The following PRELP variants were observed in gnomAD, a reference collection of about 807,000 sequenced individuals.
PRELP encodes prolargin.
Under a neutral mutation model 22.8 loss-of-function variants are expected in PRELP, and 16 were observed. That is an observed-to-expected ratio of 0.70 (90% confidence interval 0.47 to 1.06). The LOEUF (loss-of-function observed/expected upper bound fraction) is 1.06. Among genes scored for constraint, PRELP ranks in the 50% least tolerant of loss-of-function variants. The pLI is 0.00. For synonymous variants in PRELP, 233 were observed against 211.4 expected (o/e 1.10, Z -0.89); for missense variants, 434 against 485.2 (o/e 0.89, Z 0.99).
At chr1:203,484,630 G>A (rs994764855) in intron 2 of PRELP, among the ~76,000 whole-genome samples, 1 of 152,234 alleles carries the variant, frequency 6.6e-6, no homozygotes, top group Admixed American at 6.5e-5. Context: ...GCCCCTGTGG[G>A]AAGATGCTTC....
chr1:203,484,161 A>C lies in PRELP; in HGVS notation c.973+4A>C. The C allele has an allele frequency of 1.5e-6, 1 of 654,810 alleles. No homozygotes were observed. Among genetic ancestry groups the C allele is most frequent in the Non-Finnish European group, 2.7e-6 (1 of 363,902 alleles). The allele number at this position is 654,810 out of a possible 1,614,324, so 40.6% of individuals were successfully genotyped here. ...CTCAACAACAATAGCATCGAGAGTGAGTGGGGTGGGCCGGGGCGGGGCCGA... is the reference window on the plus strand; with the variant it reads ...CTCAACAACAATAGCATCGAGAGTGCGTGGGGTGGGCCGGGGCGGGGCCGA... On this transcript the variant is annotated splice_donor_region_variant and intron_variant, in intron 2 of 2. Coordinates refer to ENST00000343110, the MANE Select transcript of PRELP (RefSeq NM_002725.4).
chr1:203,483,502 C>T lies in PRELP; in HGVS notation c.318C>T (p.Tyr106=), dbSNP rs765596616. The change falls in exon 2 of 3, where the codon TAC becomes TAT. Residue 106 remains tyrosine (Y), a synonymous_variant. Transcript: ENST00000343110. The surrounding 1 kb of genome is among the most constrained non-coding windows in gnomAD (Gnocchi z 4.4). The part of the protein sequence containing the change: ...KVPVIPPRIH[Y]LYLQNNFITE... ...CTGTCATCCCGCCCCGCATCCATTA[C>T]CTCTATCTCCAGAACAACTTCATCA... is the stretch of plus-strand genomic sequence containing the variant. 6 of 1,614,246 alleles carry T rather than the reference C, an allele frequency of 3.7e-6. No individual in the cohort carries two copies. In the East Asian group the frequency reaches 6.7e-5, roughly 18 times the overall value.
intron 1 of PRELP, among the ~76,000 whole-genome samples, chr1:203,478,206 C>T (rs867240401): frequency 3.9e-5 from 6 of 152,212 alleles, no homozygotes; most frequent in African/African-American, 1.4e-4. Flanking sequence ...TTGCCTAAGC[C>T]TACCTAGCTA....
At position 203,487,973 on chromosome 1, in the gene PRELP, CTT is replaced by C. The variant is rs1360837183; in HGVS notation, c.*1093_*1094del. ...GGTGGGAGTAACAGCTGGTCCCAGT[CTT>C]GCGCCTGGCCCTCTTCCTGGGGTGA... On this transcript the variant is annotated 3_prime_UTR_variant, in exon 3 of 3. Coordinates refer to ENST00000343110, the MANE Select transcript of PRELP (RefSeq NM_002725.4). The C allele has an allele frequency of 1.3e-5, 2 of 152,290 alleles. No individual in the cohort carries two copies. The highest frequency in any genetic ancestry group is 2.9e-5 in the Non-Finnish European group (2 of 68,084). The allele number at this position is 152,290 out of a possible 1,614,324, so 9.4% of individuals were successfully genotyped here.
chr1:203,485,071 G>A (rs1010435308), intron 2 of PRELP, among the ~76,000 whole-genome samples: 4 of 151,726 alleles, frequency 2.6e-5, no homozygotes, highest in Non-Finnish European at 5.9e-5. Context: ...GATGGAGATT[G>A]TTGGTGTCTC....
intron 1 of PRELP, among the ~76,000 whole-genome samples, chr1:203,480,429 G>A (rs959918256): frequency 3.3e-5 from 5 of 152,186 alleles, no homozygotes; most frequent in African/African-American, 4.8e-5. Flanking sequence ...TGGGTCTGAG[G>A]CTTTGTAGGA....
rs1661032465 is a variant in PRELP, at chr1:203,483,126, T to C, written c.-16-43T>C. ...CTTCAAAAACATGACAACTAGTTAC[T>C]GAGGGCCCAAGGATAATGACCTTAT... On this transcript the variant is annotated intron_variant, in intron 1 of 2. Coordinates refer to ENST00000343110, the MANE Select transcript of PRELP (RefSeq NM_002725.4). This position sits in a 1 kb window ranked among gnomAD's most constrained non-coding sequence, Gnocchi z 4.4. The C allele has an allele frequency of 6.9e-7, 1 of 1,446,726 alleles. No homozygotes were observed. Among genetic ancestry groups the C allele is most frequent in the African/African-American group, 1.4e-5 (1 of 70,180 alleles). The allele number at this position is 1,446,726 out of a possible 1,614,324, so 89.6% of individuals were successfully genotyped here.
At chr1:203,476,940 G>GAA (rs36000732) in intron 1 of PRELP, among the ~76,000 whole-genome samples, 3 of 141,098 alleles carry the variant, frequency 2.1e-5, no homozygotes, top group Non-Finnish European at 4.6e-5. Flanking sequence ...TGGCAGAGGA[G>GAA]AAAAAAAAAA....
At position 203,483,146 on chromosome 1, in the gene PRELP, C is replaced by A; in HGVS notation, c.-16-23C>A. 1 of 1,495,080 alleles carries A rather than the reference C, an allele frequency of 6.7e-7. No individual in the cohort carries two copies. The highest frequency in any genetic ancestry group is 9.0e-7 in the Non-Finnish European group (1 of 1,113,330). The allele number at this position is 1,495,080 out of a possible 1,614,324, so 92.6% of individuals were successfully genotyped here. The stretch of plus-strand genomic sequence containing the variant: ...GTTACTGAGGGCCCAAGGATAATGA[C>A]CTTATGTGTCTTCTCCCTGCAGGTG... On this transcript the variant is annotated intron_variant, in intron 1 of 2. Transcript: ENST00000343110. The surrounding 1 kb of genome is among the most constrained non-coding windows in gnomAD (Gnocchi z 4.4).
chr1:203,483,649 C>T lies in PRELP; in HGVS notation c.465C>T (p.Leu155=), dbSNP rs1371231477. ...VLEKLPGLVF[L]YMEKNQLEEV... ...AGAAACTGCCCGGCCTGGTGTTCCTCTACATGGAGAAGAACCAGTTGGAAG... is the reference window on the plus strand; with the variant it reads ...AGAAACTGCCCGGCCTGGTGTTCCTTTACATGGAGAAGAACCAGTTGGAAG... The change falls in exon 2 of 3, where the codon CTC becomes CTT. Residue 155 remains leucine, a synonymous_variant. Transcript: ENST00000343110. The surrounding 1 kb of genome is among the most constrained non-coding windows in gnomAD (Gnocchi z 4.4). 3 of 1,614,200 alleles carry T rather than the reference C, an allele frequency of 1.9e-6. No homozygotes were observed. The highest frequency in any genetic ancestry group is 1.6e-4 in the Middle Eastern group (1 of 6,062).
chr1:203,483,445 C>G lies in PRELP; in HGVS notation c.261C>G (p.Leu87=), dbSNP rs200190849. The change falls in exon 2 of 3, where the codon CTC becomes CTG. Residue 87 remains leucine, a synonymous_variant. Transcript: ENST00000343110. This position sits in a 1 kb window ranked among gnomAD's most constrained non-coding sequence, Gnocchi z 4.4. ...GCCCCCCTGATTTCCCATCTGCCCT[C>G]TACTGTGATAGCCGCAACCTGCGAA... ...CYCPPDFPSA[L]YCDSRNLRKV... 1.5e-5 allele frequency: 24 copies of G among 1,614,192 alleles called. No individual in the cohort carries two copies. The Admixed American group carries it at 4.0e-4, about 27-fold the overall frequency.
At position 203,489,795 on chromosome 1, in the gene PRELP, CA is replaced by C. The variant is rs1032547672; in HGVS notation, c.*2918del. ...AACATAGTGAAACCCCTTGTTTACT[CA>C]AAATACAAAAATTGGCTGGGTGCGG... On this transcript the variant is annotated 3_prime_UTR_variant, in exon 3 of 3. Transcript: ENST00000343110. 1.3e-5 allele frequency: 2 copies of C among 152,014 alleles called. No homozygotes were observed. Among genetic ancestry groups the C allele is most frequent in the Non-Finnish European group, 2.9e-5 (2 of 68,024 alleles). The allele number at this position is 152,014 out of a possible 1,614,324, so 9.4% of individuals were successfully genotyped here. A position where few individuals can be genotyped will look rare whatever the true frequency, so the allele number is the denominator to read the frequency against.
Position 203,483,290 on chromosome 1 carries a change from C to A in PRELP, c.106C>A (p.Pro36Thr), listed in dbSNP as rs138509179. 822 of 1,613,404 alleles carry A rather than the reference C, an allele frequency of 5.1e-4. 14 individuals carry two copies. The South Asian group carries it at 8.6e-3, about 17-fold the overall frequency. ...ACCCGGGACTGGGCCCGGGCGCAGA[C>A]CCAGGCCCAGGCCCAGGCCCACACC... Reference protein sequence around the residue: ...PRPGTGPGRRPRPRPRPTPSF... With the variant: ...PRPGTGPGRRTRPRPRPTPSF... Residue 36 changes from proline (P) to threonine (T), a missense_variant, in exon 2 of 3, where the codon CCC becomes ACC. Transcript: ENST00000343110. The surrounding 1 kb of genome is among the most constrained non-coding windows in gnomAD (Gnocchi z 4.4).
At position 203,487,001 on chromosome 1, in the gene PRELP, C is replaced by T. The variant is rs2233733; in HGVS notation, c.*120C>T. The T allele has an allele frequency of 0.012, 13,937 of 1,164,846 alleles. 181 individuals are homozygous for T. The highest frequency in any genetic ancestry group is 0.041 in the South Asian group (2,422 of 58,472). 72.2% of individuals were successfully genotyped at this position (1,164,846 alleles called of 1,614,324 possible). Reference sequence around the variant, plus strand: ...TCTCCCAGCTTTGCCTCCCTTATCCCACCCTCGAGGCAGGGAAAAGCCATC... The same window carrying T: ...TCTCCCAGCTTTGCCTCCCTTATCCTACCCTCGAGGCAGGGAAAAGCCATC... On this transcript the variant is annotated 3_prime_UTR_variant, in exon 3 of 3. Transcript: ENST00000343110.
intron 1 of PRELP, among the ~76,000 whole-genome samples, chr1:203,477,650 A>G (rs929299745): frequency 6.6e-6 from 1 of 152,008 alleles, no homozygotes; most frequent in Non-Finnish European, 1.5e-5. Flanking sequence ...CACTTTCTTC[A>G]TGCCCCCTCC....
rs899425677 is a variant in PRELP, at chr1:203,490,586, C to G, written c.*3705C>G. On this transcript the variant is annotated 3_prime_UTR_variant, in exon 3 of 3. Coordinates refer to ENST00000343110, the MANE Select transcript of PRELP (RefSeq NM_002725.4). ...ATACAAAACAGTAAAAGAGCCATCT[C>G]AAGGACAGAGAGCATAGACCAAGTC... The G allele has an allele frequency of 6.6e-6, 1 of 152,210 alleles. No homozygotes were observed. The highest frequency in any genetic ancestry group is 1.5e-5 in the Non-Finnish European group (1 of 68,042). The allele number at this position is 152,210 out of a possible 1,614,324, so 9.4% of individuals were successfully genotyped here. A position where few individuals can be genotyped will look rare whatever the true frequency, so the allele number is the denominator to read the frequency against.
rs1005531600 is a variant in PRELP at position 203,484,124 on chromosome 1, G to C, written c.940G>C (p.Glu314Gln). 1 of 1,389,986 alleles carries C rather than the reference G, an allele frequency of 7.2e-7. No homozygotes were observed. Among genetic ancestry groups the C allele is most frequent in the Admixed American group, 1.9e-5 (1 of 52,936 alleles). The allele number at this position is 1,389,986 out of a possible 1,614,324, so 86.1% of individuals were successfully genotyped here. A position where few individuals can be genotyped will look rare whatever the true frequency, so the allele number is the denominator to read the frequency against. ...TGTGCCCGCCATCAACAACAGGCTG[G>C]AACACCTGTACCTCAACAACAATAG... ...SSVPAINNRL[E>Q]HLYLNNNSIE... Residue 314 changes from glutamate (E) to glutamine (Q), a missense_variant, in exon 2 of 3, where the codon GAA (glutamate) becomes CAA (glutamine). Coordinates refer to ENST00000343110, the MANE Select transcript of PRELP (RefSeq NM_002725.4).
Position 203,483,487 on chromosome 1 carries a change from GC to G in PRELP, c.307del (p.Arg103AlafsTer39). 6.2e-7 allele frequency: 1 copy of G among 1,613,998 alleles called. No homozygotes were observed. Among genetic ancestry groups the G allele is most frequent in the African/African-American group, 1.3e-5 (1 of 74,960 alleles). On this transcript the variant is annotated frameshift_variant, in exon 2 of 3. Coordinates refer to ENST00000343110, the MANE Select transcript of PRELP (RefSeq NM_002725.4). LOFTEE classifies it high-confidence loss of function. The surrounding 1 kb of genome is among the most constrained non-coding windows in gnomAD (Gnocchi z 4.4). ...RNLRKVPVIP[P>X]RIHYLYLQNN... Reference sequence around the variant, plus strand: ...ACCTGCGAAAGGTCCCTGTCATCCCGCCCCGCATCCATTACCTCTATCTCCA... The same window carrying G: ...ACCTGCGAAAGGTCCCTGTCATCCCGCCCGCATCCATTACCTCTATCTCCA...
In PRELP at chr1:203,486,775, A is replaced by G. The variant is rs779812177; in HGVS notation, c.1043A>G (p.Asn348Ser). Residue 348 changes from asparagine (N) to serine (S), a missense_variant, in exon 3 of 3, where the codon AAC (asparagine) becomes AGC (serine). Coordinates refer to ENST00000343110, the MANE Select transcript of PRELP (RefSeq NM_002725.4). ...CATGACTTCTCCTCGGACCTGGAGA[A>G]CGTGCCACACCTGCGCTACCTGCGG... ...AFHDFSSDLE[N>S]VPHLRYLRLD... is the part of the protein sequence containing the mutation. 33 of 1,613,972 alleles carry G rather than the reference A, an allele frequency of 2.0e-5. No individual in the cohort carries two copies. The highest frequency in any genetic ancestry group is 2.4e-5 in the Non-Finnish European group (28 of 1,179,972).
Sources: allele counts gnomAD v4.1 joint callset (sites outside exome capture counted in the v4.1 genomes callset), GRCh38; gene constraint gnomAD v4.1.1; non-coding constraint Gnocchi (gnomAD v3.1); transcripts MANE v1.5; gene names NCBI Gene and HGNC (gene_info 2026-07-23, HGNC 2026-07-21).